RAB18: variants seen among roughly 807,000 people sequenced by gnomAD.
RAB18 encodes ras-related protein Rab-18.
RAB18 carries 10 observed loss-of-function variants against 28.5 expected under a neutral mutation model. The observed-to-expected ratio is 0.35, with a 90% CI of 0.22 to 0.60. The LOEUF (loss-of-function observed/expected upper bound fraction) is 0.60, where lower values mean the gene tolerates loss of function less well. Ranked by LOEUF, RAB18 falls within the 20% of genes least tolerant of loss-of-function variation. The pLI is 0.78. For missense variants in RAB18, 188 were observed against 244.2 expected, an observed-to-expected ratio of 0.77 and a Z score of 1.53; for synonymous variants, 93 against 86.9, an observed-to-expected ratio of 1.07 and a Z score of -0.39.
At chr10:27,504,887 A>G (rs1022207368) in intron 1 of RAB18, 21 of 499,168 alleles carry the variant, frequency 4.2e-5, no homozygotes, top group Admixed American at 6.6e-5. Flanking sequence ...CTCTAAATAC[A>G]TAATGTCCTC....
chr10:27,522,824 A>G (rs1008844022), intron 2 of RAB18, among the ~76,000 whole-genome samples: 1 of 152,034 alleles, frequency 6.6e-6, no homozygotes, highest in African/African-American at 2.4e-5. Context: ...ACATTCTGTC[A>G]TTCCTTTAAC....
At chr10:27,525,781 G>A (rs896006959) in intron 2 of RAB18, among the ~76,000 whole-genome samples, 4 of 152,156 alleles carry the variant, frequency 2.6e-5, no homozygotes, top group Non-Finnish European at 4.4e-5. Flanking sequence ...TACTGAATTT[G>A]TATATGTAAT....
chr10:27,504,384 G>T lies in RAB18; in HGVS notation c.15G>T (p.Val5=). The change falls in exon 1 of 7, where the codon GTG becomes GTT. Residue 5 remains valine (V), a synonymous_variant. Coordinates refer to ENST00000356940, the MANE Select transcript of RAB18 (RefSeq NM_021252.5). ...ACGGGGTCAGGATGGACGAGGACGT[G>T]CTAACCACCCTGAAGATCCTCATCA... MDED[V]LTTLKILIIG... is the part of the protein sequence containing the mutation. 1 of 1,576,316 alleles carries T rather than the reference G, an allele frequency of 6.3e-7. No individual in the cohort carries two copies. The highest frequency in any genetic ancestry group is 8.6e-7 in the Non-Finnish European group (1 of 1,161,350).
chr10:27,505,376 C>T lies in RAB18; in HGVS notation c.68+939C>T, dbSNP rs376132742. On this transcript the variant is annotated intron_variant, in intron 1 of 6. Coordinates refer to ENST00000356940, the MANE Select transcript of RAB18 (RefSeq NM_021252.5). ...AATCAGTTTCATATTTTAGCTATACCTTCTGATACACGTATCTTTCAAATA... is the reference window on the plus strand; with the variant it reads ...AATCAGTTTCATATTTTAGCTATACTTTCTGATACACGTATCTTTCAAATA... Among the ~76,000 whole-genome samples, 5 of 152,096 alleles carry T rather than the reference C, an allele frequency of 3.3e-5. No individual in the cohort carries two copies. The East Asian group carries it at 5.8e-4, about 18-fold the overall frequency.
At position 27,539,815 on chromosome 10, in the gene RAB18, G is replaced by C. The variant is rs1834984934; in HGVS notation, c.*1764G>C. 1 of 453,226 alleles carries C rather than the reference G, an allele frequency of 2.2e-6. No individual in the cohort carries two copies. The highest frequency in any genetic ancestry group is 2.0e-5 in the African/African-American group (1 of 49,930). 28.1% of individuals were successfully genotyped at this position (453,226 alleles called of 1,614,324 possible). On this transcript the variant is annotated 3_prime_UTR_variant, in exon 7 of 7. Coordinates refer to ENST00000356940, the MANE Select transcript of RAB18 (RefSeq NM_021252.5). ...TTTTTCTAGTTCTTGAATAAATATA[G>C]CCTGCTTTCCCTAGATGCATTTGTG...
rs1834987486 is a variant in RAB18 at position 27,539,920 on chromosome 10, C to T, written c.*1869C>T. The T allele has an allele frequency of 2.2e-6, 1 of 452,884 alleles. No individual in the cohort carries two copies. Among genetic ancestry groups the T allele is most frequent in the Non-Finnish European group, 4.4e-6 (1 of 226,456 alleles). 28.1% of individuals were successfully genotyped at this position (452,884 alleles called of 1,614,324 possible). On this transcript the variant is annotated 3_prime_UTR_variant, in exon 7 of 7. Transcript: ENST00000356940. ...TGTGTTACTCAAATTATGTGGCTTT[C>T]ATTTTGTTGTTTTGTTGCAAGCTTA... is the stretch of plus-strand genomic sequence containing the variant.
At chr10:27,526,316 A>G (rs1277413951) in intron 2 of RAB18, among the ~76,000 whole-genome samples, 2 of 152,224 alleles carry the variant, frequency 1.3e-5, no homozygotes, top group African/African-American at 4.8e-5. Flanking sequence ...GGATAAAAAT[A>G]AAGAGATTAT....
intron 6 of RAB18, among the ~76,000 whole-genome samples, chr10:27,535,689 G>A (rs1257440180): frequency 6.6e-6 from 1 of 152,182 alleles, no homozygotes; most frequent in Non-Finnish European, 1.5e-5. Context: ...GAAGCGGTTT[G>A]ACTGTGTAGC....
At chr10:27,512,487 G>A (rs943755955) in intron 2 of RAB18, among the ~76,000 whole-genome samples, 1 of 151,890 alleles carries the variant, frequency 6.6e-6, no homozygotes, top group African/African-American at 2.4e-5. Flanking sequence ...TGTATTTTTA[G>A]TAGAGATGGG....
Position 27,538,325 on chromosome 10 carries a change from T to C in RAB18, c.*274T>C, listed in dbSNP as rs1378482016. 13 of 549,982 alleles carry C rather than the reference T, an allele frequency of 2.4e-5. No individual in the cohort carries two copies. The highest frequency in any genetic ancestry group is 4.5e-5 in the Non-Finnish European group (13 of 290,434). 34.1% of individuals were successfully genotyped at this position (549,982 alleles called of 1,614,324 possible). A position where few individuals can be genotyped will look rare whatever the true frequency, so the allele number is the denominator to read the frequency against. On this transcript the variant is annotated 3_prime_UTR_variant, in exon 7 of 7. Coordinates refer to ENST00000356940, the MANE Select transcript of RAB18 (RefSeq NM_021252.5). ...TTATGATTTACATTTATCATGTAAT[T>C]TTTAAAAAAATCCATCTATCTAGGA...
intron 3 of RAB18, among the ~76,000 whole-genome samples, 163 bp from the exon 4 acceptor site, chr10:27,532,344 A>T (rs998896958): frequency 6.6e-6 from 1 of 151,762 alleles, no homozygotes; most frequent in Non-Finnish European, 1.5e-5. Context: ...TTATTTTGTG[A>T]CACTTGTCAG....
intron 2 of RAB18, among the ~76,000 whole-genome samples, chr10:27,514,804 T>C (rs1167337367): frequency 6.6e-6 from 1 of 152,084 alleles, no homozygotes; most frequent in Non-Finnish European, 1.5e-5. Flanking sequence ...AGGGTCTTGT[T>C]CTGTCGCCAG....
chr10:27,509,899 T>A lies in RAB18; in HGVS notation c.93T>A (p.Asp31Glu), dbSNP rs750259620. ...GCCTGCTCTTGAGGTTCACAGATGA[T>A]ACGTTTGATCCAGAACTTGCAGCAA... ...KSSLLLRFTD[D>E]TFDPELAATI... Residue 31 changes from aspartate (D) to glutamate (E), a missense_variant, in exon 2 of 7, where the codon GAT becomes GAA. Transcript: ENST00000356940. The A allele has an allele frequency of 2.0e-5, 32 of 1,613,128 alleles. No individual in the cohort carries two copies. In the Admixed American group the frequency reaches 5.3e-4, roughly 27 times the overall value.
Position 27,527,849 on chromosome 10 carries a change from T to A in RAB18, c.186+960T>A, listed in dbSNP as rs530258358. Among the ~76,000 whole-genome samples, 7 of 152,246 alleles carry A rather than the reference T, an allele frequency of 4.6e-5. No homozygotes were observed. The South Asian group carries it at 1.2e-3, about 27-fold the overall frequency. On this transcript the variant is annotated intron_variant, in intron 3 of 6. Transcript: ENST00000356940. ...GCACACTGTTTCTAATACACATTTA[T>A]CCCCAAATAACAAATAATTGTGTAA...
At chr10:27,527,527 T>G (rs1203961643) in intron 3 of RAB18, among the ~76,000 whole-genome samples, 3 of 151,958 alleles carry the variant, frequency 2.0e-5, no homozygotes, top group Non-Finnish European at 4.4e-5. Context: ...TCAGTCTATT[T>G]ACCCACCCAC....
chr10:27,528,067 T>C (rs1834714711), intron 3 of RAB18, among the ~76,000 whole-genome samples: 1 of 152,154 alleles, frequency 6.6e-6, no homozygotes, highest in Non-Finnish European at 1.5e-5. Flanking sequence ...GCTTTTTCCA[T>C]ACTAAAGTGG....
At chr10:27,514,342 G>A (rs1834388521) in intron 2 of RAB18, 1 of 152,190 alleles carries the variant, frequency 6.6e-6, no homozygotes, top group South Asian at 2.1e-4. Flanking sequence ...ACTTAATGAA[G>A]TATTTACTGC....
rs371964585 is a variant in RAB18, at chr10:27,541,240, T to C, written c.*3189T>C. 80 of 454,050 alleles carry C rather than the reference T, an allele frequency of 1.8e-4. No homozygotes were observed. In the East Asian group the frequency reaches 3.5e-3, roughly 20 times the overall value. 28.1% of individuals were successfully genotyped at this position (454,050 alleles called of 1,614,324 possible). On this transcript the variant is annotated 3_prime_UTR_variant, in exon 7 of 7. Coordinates refer to ENST00000356940, the MANE Select transcript of RAB18 (RefSeq NM_021252.5). Reference sequence around the variant, plus strand: ...GCCGTGTATACTCAACTATATAGACTTCACCCTGGGTTTTGCCTAAACTGT... The same window carrying C: ...GCCGTGTATACTCAACTATATAGACCTCACCCTGGGTTTTGCCTAAACTGT...
rs1589589019 is a variant in RAB18, at chr10:27,534,098, G to A, written c.445+104G>A. On this transcript the variant is annotated intron_variant, in intron 6 of 6. Transcript: ENST00000356940. ...TTATGAACCATAAAATGTGTTTAGA[G>A]TATTGTTCCTAGTTGCCTTGTGTTA... The A allele has an allele frequency of 2.6e-6, 3 of 1,135,458 alleles. No individual in the cohort carries two copies. In the East Asian group the frequency reaches 7.2e-5, roughly 27 times the overall value. The allele number at this position is 1,135,458 out of a possible 1,614,324, so 70.3% of individuals were successfully genotyped here. A position where few individuals can be genotyped will look rare whatever the true frequency, so the allele number is the denominator to read the frequency against.
Sources: gnomAD v4.1 joint callset for allele counts (sites outside exome capture counted in the v4.1 genomes callset) on GRCh38, gnomAD v4.1.1 for gene constraint, MANE v1.5 for transcripts, NCBI Gene and HGNC (gene_info 2026-07-23, HGNC 2026-07-21) for gene names.